The following EPB41 variants were observed in gnomAD, a reference collection of about 807,000 sequenced individuals.
EPB41 encodes erythrocyte membrane protein band 4.1.
Under a neutral mutation model 108.0 loss-of-function variants are expected in EPB41, and 65 were observed. The observed-to-expected ratio is 0.60, with a 90% CI of 0.49 to 0.74. The LOEUF is 0.74. EPB41 is among the 30% of genes least tolerant of loss of function. The pLI, the probability that EPB41 is intolerant of heterozygous loss-of-function variation, is 0.00. For synonymous variants in EPB41, 336 were observed against 358.9 expected, an observed-to-expected ratio of 0.94 and a Z score of 0.72; for missense variants, 875 against 1,037.0, an observed-to-expected ratio of 0.84 and a Z score of 2.15.
intron 11 of EPB41, among the ~76,000 whole-genome samples, chr1:29,051,853 A>G (rs886175044): frequency 6.6e-6 from 1 of 151,736 alleles, no homozygotes; most frequent in Non-Finnish European, 1.5e-5. Flanking sequence ...AGCCGAGATC[A>G]TGCCATTGCA....
intron 15 of EPB41, among the ~76,000 whole-genome samples, chr1:29,064,623 A>G (rs1558204919): frequency 6.6e-6 from 1 of 152,168 alleles, no homozygotes. Context: ...TTTCTTATCA[A>G]GCTGAGGCTA....
rs931673972 is a variant in EPB41 at position 28,977,657 on chromosome 1, T to A, written c.-7-9774T>A. Among the ~76,000 whole-genome samples, 4 of 152,286 alleles carry A rather than the reference T, an allele frequency of 2.6e-5. 1 individual carries two copies. The South Asian group carries it at 8.3e-4, about 32-fold the overall frequency. ...TTTTATATCCAGAATGAAAATAGTGTCATTTACATAGGAAGAGCTTGTTTG... is the reference window on the plus strand; with the variant it reads ...TTTTATATCCAGAATGAAAATAGTGACATTTACATAGGAAGAGCTTGTTTG... On this transcript the variant is annotated intron_variant, in intron 1 of 20. Transcript: ENST00000343067.
Position 28,979,032 on chromosome 1 carries a change from A to G in EPB41, c.-7-8399A>G, listed in dbSNP as rs544311578. ...TGTCATGTATCTATATACATATCCT[A>G]TTGGTTCTGTCACTCTGGAGAACCC... On this transcript the variant is annotated intron_variant, in intron 1 of 20. Transcript: ENST00000343067. Among the ~76,000 whole-genome samples the G allele has an allele frequency of 1.3e-4, 20 of 151,402 alleles. No homozygotes were observed. The South Asian group carries it at 3.7e-3, about 28-fold the overall frequency.
intron 1 of EPB41, among the ~76,000 whole-genome samples, chr1:28,969,102 T>A (rs1234807742): frequency 1.3e-5 from 2 of 150,720 alleles, no homozygotes; most frequent in Admixed American, 6.6e-5. Flanking sequence ...TTTTTTTTTT[T>A]AAGACAGAGT....
chr1:28,976,580 C>T (rs1310394804), intron 1 of EPB41, among the ~76,000 whole-genome samples: 2 of 152,080 alleles, frequency 1.3e-5, no homozygotes, highest in African/African-American at 4.8e-5. Flanking sequence ...ACTCAAACTC[C>T]TGGGCTCAAG....
chr1:29,011,466 A>G (rs192492781), intron 4 of EPB41, among the ~76,000 whole-genome samples: 25 of 152,320 alleles, frequency 1.6e-4, no homozygotes, highest in Admixed American at 1.4e-3. Context: ...GGTTGTAGCT[A>G]TCTACTAGTC....
At chr1:29,110,898 G>A (rs1668911665) in intron 18 of EPB41, among the ~76,000 whole-genome samples, 1 of 152,196 alleles carries the variant, frequency 6.6e-6, no homozygotes, top group Non-Finnish European at 1.5e-5. Flanking sequence ...TGATCATGGT[G>A]GCTCATGCCT....
rs141625421 is a variant in EPB41, at chr1:28,928,482, G to A, written c.-8+13714G>A. 2.9e-3 allele frequency among the ~76,000 whole-genome samples: 443 copies of A among 152,302 alleles called. 3 individuals are homozygous for A. Among genetic ancestry groups the A allele is most frequent in the African/African-American group, 0.01 (425 of 41,574 alleles). On this transcript the variant is annotated intron_variant, in intron 1 of 20. Transcript: ENST00000343067. ...GAAGAGAAACACAAACAGTACAGGG[G>A]TGTTGGGTTAGAGGTAGGGAGGCCT...
intron 1 of EPB41, among the ~76,000 whole-genome samples, chr1:28,986,070 A>C (rs1446270879): frequency 6.9e-6 from 1 of 144,630 alleles, no homozygotes; most frequent in Non-Finnish European, 1.5e-5. Context: ...TATGAGTGAG[A>C]ATATGCGGTG....
In EPB41 at chr1:29,033,103, G is replaced by C. The variant is rs776789017; in HGVS notation, c.1223G>C (p.Gly408Ala). 1.5e-5 allele frequency: 24 copies of C among 1,613,716 alleles called. No individual in the cohort carries two copies. The highest frequency in any genetic ancestry group is 1.7e-5 in the Non-Finnish European group (20 of 1,179,904). ...ATTTTTCTTTTTCAGGACTTGGAAG[G>C]AGTAGATATCATCCTAGGTGTCTGC... is the stretch of plus-strand genomic sequence containing the variant. ...VDLHKAKDLEGVDIILGVCSS... is the reference protein window; with the variant it reads ...VDLHKAKDLEAVDIILGVCSS... Residue 408 changes from glycine (G) to alanine (A), a missense_variant, in exon 9 of 21, where the codon GGA becomes GCA. Physicochemically the swap from Gly to Ala is moderately conservative, Grantham distance 60 (BLOSUM62 0). Transcript: ENST00000343067.
chr1:29,110,485 G>A (rs188243521), intron 18 of EPB41, among the ~76,000 whole-genome samples: 1 of 152,318 alleles, frequency 6.6e-6, no homozygotes, highest in East Asian at 1.9e-4. Flanking sequence ...CAGGGACAAG[G>A]CCATGAGAAC....
intron 12 of EPB41, chr1:29,054,556 A>C (rs1047652769): frequency 7.5e-5 from 11 of 146,114 alleles, no homozygotes; most frequent in Admixed American, 5.5e-4. Context: ...AAAAAAAAAA[A>C]AAAAACTGTT....
chr1:29,077,312 T>G (rs1654493904), intron 16 of EPB41, among the ~76,000 whole-genome samples: 1 of 152,064 alleles, frequency 6.6e-6, no homozygotes, highest in Non-Finnish European at 1.5e-5. Flanking sequence ...GGCACAAGCC[T>G]GTACTCCCAG....
At chr1:28,888,025 G>A (rs1489131325) in intron 1 of EPB41, among the ~76,000 whole-genome samples, 1 of 152,242 alleles carries the variant, frequency 6.6e-6, no homozygotes, top group African/African-American at 2.4e-5. Context: ...GGGTGGGACA[G>A]GACCCCTCCT....
Position 29,115,652 on chromosome 1 carries a change from C to A in EPB41, c.2497-47C>A. On this transcript the variant is annotated intron_variant, in intron 19 of 20. Coordinates refer to ENST00000343067, the MANE Select transcript of EPB41 (RefSeq NM_001376013.1). This position sits in a 1 kb window ranked among gnomAD's most constrained non-coding sequence, Gnocchi z 4.4. ...AATGATGACCACTGCCTTCCTTCGCCATCAGGCTATTTTCTGCCTCATTGC... is the reference window on the plus strand; with the variant it reads ...AATGATGACCACTGCCTTCCTTCGCAATCAGGCTATTTTCTGCCTCATTGC... The A allele has an allele frequency of 6.7e-7, 1 of 1,484,876 alleles. No homozygotes were observed. Among genetic ancestry groups the A allele is most frequent in the South Asian group, 1.1e-5 (1 of 88,316 alleles). The allele number at this position is 1,484,876 out of a possible 1,614,324, so 92.0% of individuals were successfully genotyped here. A position where few individuals can be genotyped will look rare whatever the true frequency, so the allele number is the denominator to read the frequency against.
intron 1 of EPB41, among the ~76,000 whole-genome samples, chr1:28,961,171 A>G (rs188509909): frequency 8.7e-4 from 133 of 152,018 alleles, no homozygotes; most frequent in African/African-American, 3.0e-3. Flanking sequence ...CATCTGTTAC[A>G]TTTGACAAAC....
intron 1 of EPB41, among the ~76,000 whole-genome samples, chr1:28,927,666 C>T (rs926500936): frequency 2.0e-5 from 3 of 152,120 alleles, no homozygotes; most frequent in African/African-American, 4.8e-5. Flanking sequence ...TCTTTCCTCT[C>T]ATCTCTCCCT....
intron 1 of EPB41, among the ~76,000 whole-genome samples, chr1:28,945,750 AT>A (rs2094467676): frequency 6.6e-6 from 1 of 152,170 alleles, no homozygotes; most frequent in African/African-American, 2.4e-5. Flanking sequence ...TCTCTTGTGT[AT>A]TTTGGTGGGA....
chr1:28,890,958 GCTGGGGAA>G, intron 1 of EPB41: 1 of 985,492 alleles, frequency 1.0e-6, no homozygotes, highest in Non-Finnish European at 1.2e-6. Context: ...GGATCTTGAG[GCTGGGGAA>G]CTGGGGAACA....
Sources: allele counts gnomAD v4.1 joint callset (sites outside exome capture counted in the v4.1 genomes callset), GRCh38; gene constraint gnomAD v4.1.1; non-coding constraint Gnocchi (gnomAD v3.1); transcripts MANE v1.5; gene names NCBI Gene and HGNC (gene_info 2026-07-23, HGNC 2026-07-21).